Variants in DCP1B observed in about 807,000 individuals in gnomAD.
DCP1B encodes mRNA-decapping enzyme 1B.
In DCP1B, 47 loss-of-function variants were observed where a neutral mutation model predicts 60.5. That is an observed-to-expected ratio of 0.78 (90% CI 0.61 to 0.99). The LOEUF (loss-of-function observed/expected upper bound fraction) is 0.99, where lower values mean the gene tolerates loss of function less well. Among genes scored for constraint, DCP1B ranks in the 50% least tolerant of loss-of-function variants. DCP1B has a pLI of 0.00. For missense variants in DCP1B, 725 were observed against 756.8 expected, an observed-to-expected ratio of 0.96 and a Z score of 0.49; for synonymous variants, 267 against 280.3, an observed-to-expected ratio of 0.95 and a Z score of 0.47.
rs775543886 is a variant in DCP1B, at chr12:2,004,128, C to G, written c.150+154G>C. On this transcript the variant is annotated intron_variant, in intron 1 of 8. Coordinates refer to ENST00000280665, the MANE Select transcript of DCP1B (RefSeq NM_152640.5). ...CTTCCTTCCCCCAAACCCCCGAGACCCCATCTCCACAACTTCGGCCTCAGT... is the reference window on the plus strand; with the variant it reads ...CTTCCTTCCCCCAAACCCCCGAGACGCCATCTCCACAACTTCGGCCTCAGT... 1.2e-5 allele frequency: 13 copies of G among 1,093,098 alleles called. No homozygotes were observed. In the African/African-American group the frequency reaches 1.4e-4, roughly 12 times the overall value. The allele number at this position is 1,093,098 out of a possible 1,614,324, so 67.7% of individuals were successfully genotyped here.
At chr12:1,953,609 A>G (rs2030774039) in intron 6 of DCP1B, among the ~76,000 whole-genome samples, 8 of 152,236 alleles carry the variant, frequency 5.3e-5, no homozygotes, top group Admixed American at 3.3e-4. Flanking sequence ...CACTAAAAAA[A>G]TAAACAATCT....
chr12:1,944,108 C>T (rs1454502177), downstream of DCP1B, among the ~76,000 whole-genome samples: 8 of 152,284 alleles, frequency 5.3e-5, no homozygotes, highest in Middle Eastern at 3.4e-3. Context: ...AATCAATGTG[C>T]AAAAATCACA....
intron 3 of DCP1B, among the ~76,000 whole-genome samples, chr12:1,989,835 CAGTA>C (rs1223263204): frequency 1.3e-5 from 2 of 152,196 alleles, no homozygotes; most frequent in African/African-American, 4.8e-5. Flanking sequence ...ATGAAAAACA[CAGTA>C]AGTGATTACT....
intron 2 of DCP1B, among the ~76,000 whole-genome samples, chr12:1,994,212 G>A (rs544144520): frequency 1.3e-5 from 2 of 152,286 alleles, no homozygotes; most frequent in South Asian, 4.1e-4. Context: ...AACTTCCGGT[G>A]ACAAATGAAA....
intron 1 of DCP1B, 42 bp from the exon 2 acceptor site, chr12:1,998,017 T>C: frequency 3.9e-6 from 6 of 1,558,338 alleles, no homozygotes; most frequent in Non-Finnish European, 5.2e-6. Flanking sequence ...GTATGTTCTC[T>C]TCAATTCACA....
intron 3 of DCP1B, among the ~76,000 whole-genome samples, chr12:1,978,903 T>C (rs1369734072): frequency 2.0e-5 from 3 of 152,266 alleles, no homozygotes; most frequent in African/African-American, 4.8e-5. Context: ...TGTTCTATTA[T>C]TATATACCAA....
chr12:1,986,162 T>C (rs2037715316), intron 3 of DCP1B, among the ~76,000 whole-genome samples: 1 of 152,340 alleles, frequency 6.6e-6, no homozygotes, highest in African/African-American at 2.4e-5. Flanking sequence ...CATATACTAG[T>C]CTGAATTTGG....
Position 1,965,637 on chromosome 12 carries a change from G to A in DCP1B, c.443C>T (p.Pro148Leu), listed in dbSNP as rs777116091. The A allele has an allele frequency of 1.2e-6, 2 of 1,613,900 alleles. No homozygotes were observed. The change falls in exon 5 of 9, where the codon CCA (proline) becomes CTA (leucine). Residue 148 changes from proline (P) to leucine (L), a missense_variant. Coordinates refer to ENST00000280665, the MANE Select transcript of DCP1B (RefSeq NM_152640.5). ...AHQGTGAGIS[P>L]VILNSGEGKE... is the part of the protein sequence containing the mutation. Reference sequence around the variant, plus strand: ...GCCCTCTCCTGAATTGAGGATCACTGGGGAAATTCCTGCTCCAGTTCCCTG... The same window carrying A: ...GCCCTCTCCTGAATTGAGGATCACTAGGGAAATTCCTGCTCCAGTTCCCTG...
At chr12:1,999,130 T>A (rs1339256443) in intron 1 of DCP1B, among the ~76,000 whole-genome samples, 1 of 152,226 alleles carries the variant, frequency 6.6e-6, no homozygotes, top group Non-Finnish European at 1.5e-5. Context: ...CTTGGGCTCC[T>A]GCCCAAACCT....
downstream of DCP1B, among the ~76,000 whole-genome samples, chr12:1,945,312 G>A (rs759480165): frequency 3.3e-5 from 5 of 152,154 alleles, no homozygotes; most frequent in Admixed American, 1.3e-4. Flanking sequence ...AAACAGGAAC[G>A]CTTTTACATT....
Position 1,971,632 on chromosome 12 carries a change from AG to A in DCP1B, c.320-3723del, listed in dbSNP as rs775184990. On this transcript the variant is annotated intron_variant, in intron 3 of 8. Transcript: ENST00000280665. The surrounding 1 kb of genome is among the most constrained non-coding windows in gnomAD (Gnocchi z 4.2). ...AAATTTCTTCAGTGGAAAAACCAAA[AG>A]CTGGTCAAATTTTAAGAGGCTAGTT... Among the ~76,000 whole-genome samples the A allele has an allele frequency of 1.2e-4, 18 of 152,216 alleles. No individual in the cohort carries two copies. The highest frequency in any genetic ancestry group is 1.9e-4 in the Non-Finnish European group (13 of 68,038).
intron 1 of DCP1B, among the ~76,000 whole-genome samples, chr12:2,003,241 G>A (rs544038740): frequency 6.6e-6 from 1 of 152,046 alleles, no homozygotes; most frequent in Non-Finnish European, 1.5e-5. Context: ...ATGAATGTGG[G>A]TGTTAAAAAA....
intron 3 of DCP1B, among the ~76,000 whole-genome samples, chr12:1,978,186 A>G (rs1449764571): frequency 6.6e-6 from 1 of 152,234 alleles, no homozygotes; most frequent in Non-Finnish European, 1.5e-5. Flanking sequence ...GAAAGGGGGC[A>G]TAGCCTTCTC....
rs899770972 is a variant in DCP1B at position 1,997,481 on chromosome 12, C to T, written c.191+454G>A. On this transcript the variant is annotated intron_variant, in intron 2 of 8. Coordinates refer to ENST00000280665, the MANE Select transcript of DCP1B (RefSeq NM_152640.5). The stretch of plus-strand genomic sequence containing the variant: ...GTTGCAGCAAGCCAAGAGCTGTGAT[C>T]GTGCCACTGCACTCCAGCCTTGGTG... Among the ~76,000 whole-genome samples the T allele has an allele frequency of 7.6e-4, 116 of 152,266 alleles. 1 individual carries two copies. The highest frequency in any genetic ancestry group is 2.6e-3 in the African/African-American group (110 of 41,558).
downstream of DCP1B, among the ~76,000 whole-genome samples, chr12:1,942,031 T>G (rs190302040): frequency 4.4e-4 from 67 of 152,228 alleles, no homozygotes; most frequent in African/African-American, 1.5e-3. Flanking sequence ...CGGTGTGCTG[T>G]ATTCAGGAGA....
chr12:1,967,905 T>TG lies in DCP1B; in HGVS notation c.324dup (p.Ile109HisfsTer8). ...TTATCATAAAACCAAATTCCATAGATGGACACTGCAAAAAACACACATCAA... is the reference window on the plus strand; with the variant it reads ...TTATCATAAAACCAAATTCCATAGATGGGACACTGCAAAAAACACACATCAA... On this transcript the variant is annotated frameshift_variant, in exon 4 of 9. Coordinates refer to ENST00000280665, the MANE Select transcript of DCP1B (RefSeq NM_152640.5). LOFTEE classifies it high-confidence loss of function. 1 of 1,612,300 alleles carries TG rather than the reference T, an allele frequency of 6.2e-7. No individual in the cohort carries two copies. Among genetic ancestry groups the TG allele is most frequent in the East Asian group, 2.2e-5 (1 of 44,752 alleles).
chr12:1,965,794 C>T, intron 4 of DCP1B, 101 bp from the exon 5 acceptor site: 2 of 1,350,888 alleles, frequency 1.5e-6, no homozygotes, highest in African/African-American at 1.5e-5. Flanking sequence ...CATCCTGTTA[C>T]AACCATATTA....
intron 3 of DCP1B, 75 bp downstream of exon 3, chr12:1,993,189 G>A (rs1459364701): frequency 5.0e-6 from 8 of 1,599,808 alleles, no homozygotes; most frequent in Non-Finnish European, 6.0e-6. Flanking sequence ...AAACACAATG[G>A]CAAACACTGT....
At position 1,971,154 on chromosome 12, in the gene DCP1B, C is replaced by T; in HGVS notation, c.320-3244G>A. The T allele has an allele frequency of 7.8e-7, 1 of 1,289,304 alleles. No homozygotes were observed. The highest frequency in any genetic ancestry group is 1.0e-6 in the Non-Finnish European group (1 of 988,424). 79.9% of individuals were successfully genotyped at this position (1,289,304 alleles called of 1,614,324 possible). A position where few individuals can be genotyped will look rare whatever the true frequency, so the allele number is the denominator to read the frequency against. ...AACACGGAGGTCAAGTTTAAGGGTA[C>T]TTTGGTGCATGAAGCTCAACTCAAC... On this transcript the variant is annotated intron_variant, in intron 3 of 8. Transcript: ENST00000280665. This position sits in a 1 kb window ranked among gnomAD's most constrained non-coding sequence, Gnocchi z 4.2.
Sources: gnomAD v4.1 joint callset for allele counts (sites outside exome capture counted in the v4.1 genomes callset) on GRCh38, gnomAD v4.1.1 for gene constraint, Gnocchi (gnomAD v3.1) non-coding constraint, MANE v1.5 for transcripts, NCBI Gene and HGNC (gene_info 2026-07-23, HGNC 2026-07-21) for gene names.